Variants in PRKCZ observed in about 807,000 individuals in gnomAD.
The protein encoded by PRKCZ is protein kinase C zeta type.
In PRKCZ, 33 loss-of-function variants were observed where a neutral mutation model predicts 79.5. The ratio of observed to expected loss-of-function variants is 0.41; its 90% CI spans 0.31 to 0.55. PRKCZ has a LOEUF of 0.55. Ranked by LOEUF, PRKCZ falls within the 20% of genes least tolerant of loss-of-function variation. The pLI is 0.19. For synonymous variants in PRKCZ, 342 were observed against 320.9 expected (o/e 1.07, Z -0.70); for missense variants, 578 against 813.5 (o/e 0.71, Z 3.52).
At chr1:2,141,512 A>C (rs1677317632) in intron 5 of PRKCZ, 1 of 152,092 alleles carries the variant, frequency 6.6e-6, no homozygotes, top group Non-Finnish European at 1.5e-5. Flanking sequence ...CGCCCAGCTA[A>C]TTTTTGTACT....
chr1:2,139,920 C>T (rs997386081), intron 5 of PRKCZ, among the ~76,000 whole-genome samples: 4 of 152,210 alleles, frequency 2.6e-5, no homozygotes, highest in Admixed American at 6.5e-5. Flanking sequence ...TGAGCTGTGG[C>T]TGCTGGAGAG....
In PRKCZ at chr1:2,168,181, A is replaced by G. The variant is rs1023565839; in HGVS notation, c.975-1337A>G. On this transcript the variant is annotated intron_variant, in intron 10 of 17. Coordinates refer to ENST00000378567, the MANE Select transcript of PRKCZ (RefSeq NM_002744.6). This position sits in a 1 kb window ranked among gnomAD's most constrained non-coding sequence, Gnocchi z 4.7. Reference sequence around the variant, plus strand: ...TAGACATTTTTGGCTTTGCGGCCACAGGGTCTCTGTTAGCAACTCCCTCTG... The same window carrying G: ...TAGACATTTTTGGCTTTGCGGCCACGGGGTCTCTGTTAGCAACTCCCTCTG... Among the ~76,000 whole-genome samples the G allele has an allele frequency of 6.6e-6, 1 of 152,196 alleles. No homozygotes were observed. Among genetic ancestry groups the G allele is most frequent in the African/African-American group, 2.4e-5 (1 of 41,436 alleles).
chr1:2,178,057 C>G lies in PRKCZ; in HGVS notation c.1575+2744C>G, dbSNP rs1339499632. ...AGGGTTGGTGTGGGGTCACCACCAC[C>G]CCCATGTGACCTTGGCAGAAGGAAG... On this transcript the variant is annotated intron_variant, in intron 16 of 17. Transcript: ENST00000378567. This position sits in a 1 kb window ranked among gnomAD's most constrained non-coding sequence, Gnocchi z 4.3. 6.6e-6 allele frequency among the ~76,000 whole-genome samples: 1 copy of G among 152,198 alleles called. No homozygotes were observed. The highest frequency in any genetic ancestry group is 1.5e-5 in the Non-Finnish European group (1 of 68,032).
Position 2,150,917 on chromosome 1 carries a change from A to G in PRKCZ, c.815A>G (p.Lys272Arg), listed in dbSNP as rs1359207460. The G allele has an allele frequency of 6.2e-7, 1 of 1,614,170 alleles. No individual in the cohort carries two copies. Among genetic ancestry groups the G allele is most frequent in the Admixed American group, 1.7e-5 (1 of 60,032 alleles). ...GCCAAGGTTCTCCTGGTGCGGTTGA[A>G]GAAGAATGACCAAATTTACGCCATG... ...SYAKVLLVRL[K>R]KNDQIYAMKV... Residue 272 changes from lysine (K) to arginine (R), a missense_variant, in exon 9 of 18, where the codon AAG becomes AGG. This residue lies in a region of PRKCZ where 243 missense variants were observed against 467.0 expected (regional missense o/e 0.52). Transcript: ENST00000378567.
At position 2,153,157 on chromosome 1, in the gene PRKCZ, G is replaced by A. The variant is rs138965778; in HGVS notation, c.876+2179G>A. Among the ~76,000 whole-genome samples, 7 of 152,354 alleles carry A rather than the reference G, an allele frequency of 4.6e-5. 1 individual carries two copies. Among genetic ancestry groups the A allele is most frequent in the East Asian group, 3.9e-4 (2 of 5,184 alleles). On this transcript the variant is annotated intron_variant, in intron 9 of 17. Transcript: ENST00000378567. ...AGTGACGCGTGTGATTGTGATGATC[G>A]CTATCCTGGCAGGTGTGCAGTGGTG...
intron 3 of PRKCZ, among the ~76,000 whole-genome samples, 194 bp downstream of exon 3, chr1:2,056,767 T>C (rs1435880020): frequency 1.9e-4 from 29 of 151,106 alleles, no homozygotes; most frequent in African/African-American, 4.6e-4. Context: ...CTTGCTCTGT[T>C]GCCCAGGCTG....
chr1:2,063,110 C>T (rs1043704437), intron 4 of PRKCZ, among the ~76,000 whole-genome samples: 2 of 152,148 alleles, frequency 1.3e-5, no homozygotes, highest in Admixed American at 1.3e-4. Flanking sequence ...AGTCTCCTTC[C>T]TTCTCAAGAC....
intron 4 of PRKCZ, among the ~76,000 whole-genome samples, chr1:2,063,405 T>C (rs1457862730): frequency 6.6e-6 from 1 of 152,006 alleles, no homozygotes; most frequent in African/African-American, 2.4e-5. Flanking sequence ...CTCCATCTCC[T>C]GGGCTCAAGC....
rs1045937685 is a variant in PRKCZ at position 2,168,562 on chromosome 1, G to T, written c.975-956G>T. Among the ~76,000 whole-genome samples, 1 of 152,192 alleles carries T rather than the reference G, an allele frequency of 6.6e-6. No individual in the cohort carries two copies. Among genetic ancestry groups the T allele is most frequent in the African/African-American group, 2.4e-5 (1 of 41,446 alleles). On this transcript the variant is annotated intron_variant, in intron 10 of 17. Transcript: ENST00000378567. This position sits in a 1 kb window ranked among gnomAD's most constrained non-coding sequence, Gnocchi z 4.7. The stretch of plus-strand genomic sequence containing the variant: ...GATTTGCAGCCAGTTCACCTGCCCT[G>T]TGTAAACTGGCCTCTGTCCTCTCTG...
chr1:2,051,603 G>A (rs1159404024), intron 1 of PRKCZ, among the ~76,000 whole-genome samples: 1 of 152,232 alleles, frequency 6.6e-6, no homozygotes, highest in Non-Finnish European at 1.5e-5. Context: ...TCGAAAAGCT[G>A]CTCCTGCCCC....
intron 10 of PRKCZ, 84 bp from the exon 11 acceptor site, chr1:2,169,434 G>A (rs1225595547): frequency 6.4e-6 from 8 of 1,248,346 alleles, no homozygotes; most frequent in Middle Eastern, 1.9e-4. Flanking sequence ...TCGGGCCCAC[G>A]AAGGCCGCTT....
intron 2 of PRKCZ, among the ~76,000 whole-genome samples, chr1:2,056,065 G>A (rs879483332): frequency 3.9e-5 from 6 of 152,200 alleles, no homozygotes; most frequent in African/African-American, 1.4e-4. Flanking sequence ...GGACACGGCC[G>A]TGCGGGTGGA....
At chr1:2,169,229 T>A in intron 10 of PRKCZ, 1 of 492,770 alleles carries the variant, frequency 2.0e-6, no homozygotes, top group Non-Finnish European at 4.0e-6. Context: ...GGCCACCTCC[T>A]TCATTCCGGG....
In PRKCZ at chr1:2,069,324, C is replaced by T. The variant is rs546746427; in HGVS notation, c.334+9733C>T. On this transcript the variant is annotated intron_variant, in intron 4 of 17. Transcript: ENST00000378567. The stretch of plus-strand genomic sequence containing the variant: ...GGAGGTGATGGGCAGCTGGAGAACC[C>T]CCGTGAGTGGAGGCTGCTGTACCTG... Among the ~76,000 whole-genome samples the T allele has an allele frequency of 3.3e-5, 5 of 152,212 alleles. No homozygotes were observed. The South Asian group carries it at 1.0e-3, about 32-fold the overall frequency.
At chr1:2,070,776 G>A (rs947464991) in intron 4 of PRKCZ, among the ~76,000 whole-genome samples, 49 of 151,448 alleles carry the variant, frequency 3.2e-4, no homozygotes, top group African/African-American at 1.1e-3. Flanking sequence ...AGGGGCTGGG[G>A]TGGGGCTGGC....
At chr1:2,179,315 C>T (rs931428258) in intron 16 of PRKCZ, among the ~76,000 whole-genome samples, 1 of 152,234 alleles carries the variant, frequency 6.6e-6, no homozygotes, top group Non-Finnish European at 1.5e-5. Context: ...GATGGACAGG[C>T]TCATTCTGAA....
chr1:2,093,375 C>T (rs572553372), intron 4 of PRKCZ, among the ~76,000 whole-genome samples: 1 of 152,110 alleles, frequency 6.6e-6, no homozygotes, highest in Admixed American at 6.5e-5. Flanking sequence ...CAGGTCAGAC[C>T]GCCGGGGTGT....
rs1557562571 is a variant in PRKCZ at position 2,102,543 on chromosome 1, G to GA, written c.335-32719_335-32718insA. 7.2e-4 allele frequency among the ~76,000 whole-genome samples: 109 copies of GA among 151,940 alleles called. 1 individual carries two copies. The highest frequency in any genetic ancestry group is 1.3e-4 in the Non-Finnish European group (9 of 67,930). On this transcript the variant is annotated intron_variant, in intron 4 of 17. Transcript: ENST00000378567. ...GAGATGGGGTTTCACTGTGTTAGCC[G>GA]GGATGGTCTCGATCTCCTGACCTCG...
At chr1:2,058,353 CTGTAG>C (rs1482667284) in intron 3 of PRKCZ, among the ~76,000 whole-genome samples, 1 of 148,080 alleles carries the variant, frequency 6.8e-6, no homozygotes, top group Non-Finnish European at 1.5e-5. Context: ...GGTGGTGCAC[CTGTAG>C]TCCCAGTTAC....
Sources: allele counts gnomAD v4.1 joint callset (sites outside exome capture counted in the v4.1 genomes callset), GRCh38; gene constraint gnomAD v4.1.1; regional missense constraint gnomAD v4.1.1; non-coding constraint Gnocchi (gnomAD v3.1); transcripts MANE v1.5; gene names NCBI Gene and HGNC (gene_info 2026-07-23, HGNC 2026-07-21).